XRCC4: variants seen among roughly 807,000 people sequenced by gnomAD.
XRCC4 encodes the protein X-ray repair cross complementing 4, also known as DNA repair protein XRCC4.
Under a neutral mutation model 39.1 loss-of-function variants are expected in XRCC4, and 28 were observed. That is an observed-to-expected ratio of 0.72 (90% CI 0.53 to 0.98). XRCC4 has a LOEUF of 0.98. XRCC4 is among the 50% of genes least tolerant of loss of function. XRCC4 has a pLI of 0.00. For synonymous variants in XRCC4, 123 were observed against 126.4 expected (o/e 0.97, Z 0.18); for missense variants, 350 against 376.4 (o/e 0.93, Z 0.58).
intron 1 of XRCC4, among the ~76,000 whole-genome samples, chr5:83,094,935 T>G (rs1415650315): frequency 6.6e-6 from 1 of 151,552 alleles, no homozygotes; most frequent in African/African-American, 2.4e-5. Flanking sequence ...TCTTTGGGAT[T>G]CATTGTTGGA....
Position 83,195,824 on chromosome 5 carries a change from A to G in XRCC4, c.370A>G (p.Arg124Gly), listed in dbSNP as rs1159852376. 1.2e-6 allele frequency: 2 copies of G among 1,611,660 alleles called. No individual in the cohort carries two copies. The highest frequency in any genetic ancestry group is 1.7e-6 in the Non-Finnish European group (2 of 1,178,564). Residue 124 changes from arginine to glycine, a missense_variant, in exon 4 of 8, where the codon AGA (arginine) becomes GGA (glycine). Physicochemically the swap from Arg to Gly is moderately radical, Grantham distance 125. Coordinates refer to ENST00000396027, the MANE Select transcript of XRCC4 (RefSeq NM_003401.5). The part of the protein sequence containing the change: ...EKVENPAEVI[R>G]ELICYCLDTI... Reference sequence around the variant, plus strand: ...AGTTGAAAACCCAGCTGAAGTCATTAGAGAACTTATTTGTTATTGCTTGGA... The same window carrying G: ...AGTTGAAAACCCAGCTGAAGTCATTGGAGAACTTATTTGTTATTGCTTGGA...
chr5:83,348,106 G>A (rs1756971439), intron 7 of XRCC4, among the ~76,000 whole-genome samples: 2 of 152,166 alleles, frequency 1.3e-5, no homozygotes, highest in African/African-American at 4.8e-5. Flanking sequence ...CAGCCCCCAT[G>A]GCTGCTTTCA....
rs28360281 is a variant in XRCC4 at position 83,293,786 on chromosome 5, G to A, written c.893+35109G>A. On this transcript the variant is annotated intron_variant, in intron 7 of 7. Transcript: ENST00000396027. ...AGATATTTTTTGAATTGATAAATGA[G>A]TGAATGAATGTGTGTTTATGTCAGA... 6.6e-3 allele frequency among the ~76,000 whole-genome samples: 1,010 copies of A among 152,114 alleles called. 28 individuals are homozygous for A. Among genetic ancestry groups the A allele is most frequent in the Admixed American group, 0.047 (723 of 15,262 alleles).
chr5:83,358,347 A>G (rs1757213168), downstream of XRCC4, among the ~76,000 whole-genome samples: 1 of 152,004 alleles, frequency 6.6e-6, no homozygotes, highest in South Asian at 2.1e-4. Context: ...TTTCTTTCAT[A>G]TATCCACATA....
intron 7 of XRCC4, among the ~76,000 whole-genome samples, chr5:83,344,815 T>C (rs908347833): frequency 8.5e-5 from 13 of 152,158 alleles, no homozygotes; most frequent in Non-Finnish European, 1.8e-4. Flanking sequence ...TTCATATACC[T>C]TGACAGTTAC....
At chr5:83,206,614 A>T (rs557622783) in intron 6 of XRCC4, among the ~76,000 whole-genome samples, 2 of 152,122 alleles carry the variant, frequency 1.3e-5, no homozygotes, top group African/African-American at 4.8e-5. Context: ...AAAAAATGGG[A>T]AAGACATGGG....
chr5:83,269,398 A>G (rs1754061192), intron 7 of XRCC4, among the ~76,000 whole-genome samples: 1 of 151,328 alleles, frequency 6.6e-6, no homozygotes, highest in African/African-American at 2.4e-5. Flanking sequence ...ATTACAGTAC[A>G]ATGTGATAAT....
intron 6 of XRCC4, among the ~76,000 whole-genome samples, chr5:83,239,554 G>T (rs527702919): frequency 2.8e-4 from 42 of 152,328 alleles, no homozygotes; most frequent in African/African-American, 1.0e-3. Context: ...TTCTGGCTGG[G>T]CGCAGTGGCT....
chr5:83,101,802 G>A (rs1270230372), intron 1 of XRCC4, among the ~76,000 whole-genome samples: 1 of 151,980 alleles, frequency 6.6e-6, no homozygotes, highest in East Asian at 1.9e-4. Flanking sequence ...TAAACATGTT[G>A]GGTCACAGGA....
intron 3 of XRCC4, among the ~76,000 whole-genome samples, chr5:83,128,663 A>T (rs894093423): frequency 6.6e-6 from 1 of 152,192 alleles, no homozygotes; most frequent in Non-Finnish European, 1.5e-5. Flanking sequence ...AATGATCGCC[A>T]TTCTAACTGG....
intron 7 of XRCC4, among the ~76,000 whole-genome samples, chr5:83,272,550 G>T (rs960650798): frequency 6.6e-6 from 1 of 152,040 alleles, no homozygotes; most frequent in Non-Finnish European, 1.5e-5. Context: ...TATGCATTAG[G>T]TATTTGTCCT....
At chr5:83,365,734 C>T in the XRCC4 span, among the ~76,000 whole-genome samples, 1 of 152,120 alleles carries the variant, frequency 6.6e-6, no homozygotes, top group Non-Finnish European at 1.5e-5. Flanking sequence ...TCTAAAAGTG[C>T]CAAGGCAAGA....
In XRCC4 at chr5:83,148,972, G is replaced by T. The variant is rs577224124; in HGVS notation, c.315+37769G>T. Among the ~76,000 whole-genome samples the T allele has an allele frequency of 3.4e-3, 514 of 152,242 alleles. 3 individuals carry two copies. The highest frequency in any genetic ancestry group is 0.011 in the African/African-American group (457 of 41,558). On this transcript the variant is annotated intron_variant, in intron 3 of 7. Transcript: ENST00000396027. Reference sequence around the variant, plus strand: ...AATTTAAAACTACCAGCAAAAAGAAGAGCTTATGCTATATTATTTTTGCAA... The same window carrying T: ...AATTTAAAACTACCAGCAAAAAGAATAGCTTATGCTATATTATTTTTGCAA...
intron 3 of XRCC4, among the ~76,000 whole-genome samples, chr5:83,157,633 A>T (rs1749025223): frequency 6.6e-6 from 1 of 152,122 alleles, no homozygotes; most frequent in African/African-American, 2.4e-5. Flanking sequence ...TATGCTATTA[A>T]AACAGAGCTG....
At chr5:83,188,005 T>A (rs1750530698) in intron 3 of XRCC4, among the ~76,000 whole-genome samples, 1 of 152,108 alleles carries the variant, frequency 6.6e-6, no homozygotes, top group Admixed American at 6.6e-5. Context: ...TAAGGGTGTT[T>A]TTTGTTTTGT....
chr5:83,094,850 C>T (rs1455067556), intron 1 of XRCC4, among the ~76,000 whole-genome samples: 2 of 150,642 alleles, frequency 1.3e-5, no homozygotes, highest in South Asian at 2.1e-4. Flanking sequence ...CATGTGCTGC[C>T]CATTTAACTT....
chr5:83,257,013 G>A (rs1474262752), intron 6 of XRCC4, among the ~76,000 whole-genome samples: 1 of 152,004 alleles, frequency 6.6e-6, no homozygotes, highest in Non-Finnish European at 1.5e-5. Flanking sequence ...TCTGGAAATT[G>A]ATAGTTATTA....
Position 83,247,070 on chromosome 5 carries a change from A to G in XRCC4, c.746-11460A>G, listed in dbSNP as rs149726589. ...AAGGGAAGAGAAAATATTTTAAAAT[A>G]GTTCTGCTGATTGCCTGCAATTCTG... On this transcript the variant is annotated intron_variant, in intron 6 of 7. Transcript: ENST00000396027. Among the ~76,000 whole-genome samples, 23 of 152,350 alleles carry G rather than the reference A, an allele frequency of 1.5e-4. No homozygotes were observed. In the East Asian group the frequency reaches 4.4e-3, roughly 29 times the overall value.
chr5:83,315,670 A>T (rs997106571), intron 7 of XRCC4, among the ~76,000 whole-genome samples: 1 of 152,096 alleles, frequency 6.6e-6, no homozygotes, highest in African/African-American at 2.4e-5. Flanking sequence ...AACAACAAAG[A>T]CTAGATGATG....
Sources: allele counts gnomAD v4.1 joint callset (sites outside exome capture counted in the v4.1 genomes callset), GRCh38; gene constraint gnomAD v4.1.1; transcripts MANE v1.5; gene names NCBI Gene and HGNC (gene_info 2026-07-23, HGNC 2026-07-21).